Variants in GULP1 observed in about 807,000 individuals in gnomAD.
GULP1 encodes the protein GULP PTB domain containing engulfment adaptor 1.
In GULP1, 19 loss-of-function variants were observed where a neutral mutation model predicts 40.9. That is an observed-to-expected ratio of 0.46 (90% confidence interval 0.32 to 0.68). The LOEUF is 0.68. GULP1 is among the 30% of genes least tolerant of loss of function. GULP1 has a pLI of 0.03. For synonymous variants in GULP1, 119 were observed against 117.6 expected, an observed-to-expected ratio of 1.01 and a Z score of -0.08; for missense variants, 312 against 362.2, an observed-to-expected ratio of 0.86 and a Z score of 1.12.
intron 1 of GULP1, among the ~76,000 whole-genome samples, chr2:188,311,739 C>A (rs1489803204): frequency 1.4e-5 from 2 of 147,166 alleles, no homozygotes; most frequent in African/African-American, 4.9e-5. Flanking sequence ...ATTTATAAAT[C>A]TAATATTTAT....
chr2:188,441,197 C>T (rs190451647), intron 2 of GULP1, among the ~76,000 whole-genome samples: 41 of 152,256 alleles, frequency 2.7e-4, no homozygotes, highest in Non-Finnish European at 5.1e-4. Context: ...TATGTTTGAT[C>T]CTCTCCGAAT....
intron 6 of GULP1, among the ~76,000 whole-genome samples, chr2:188,538,690 T>TGAGA (rs1689594763): frequency 6.8e-6 from 1 of 146,926 alleles, no homozygotes; most frequent in African/African-American, 2.7e-5. Flanking sequence ...TGAGTGTGTG[T>TGAGA]GTGAGTGTGT....
At chr2:188,532,619 T>A (rs1417818357) in intron 6 of GULP1, among the ~76,000 whole-genome samples, 1 of 152,002 alleles carries the variant, frequency 6.6e-6, no homozygotes, top group Non-Finnish European at 1.5e-5. Flanking sequence ...TTTGTTCCAA[T>A]GAAAGATATG....
intron 2 of GULP1, among the ~76,000 whole-genome samples, chr2:188,390,556 C>A (rs184449485): frequency 1.1e-4 from 17 of 152,068 alleles, no homozygotes; most frequent in Admixed American, 1.1e-3. Flanking sequence ...TTCTCCCATT[C>A]TATGTGTTGT....
chr2:188,397,893 A>G (rs192982386), intron 2 of GULP1, among the ~76,000 whole-genome samples: 39 of 152,364 alleles, frequency 2.6e-4, no homozygotes, highest in Middle Eastern at 3.4e-3. Flanking sequence ...TTATAACCAA[A>G]TCTAGGAAAT....
intron 1 of GULP1, among the ~76,000 whole-genome samples, chr2:188,320,538 C>T (rs1284060079): frequency 2.0e-5 from 3 of 152,142 alleles, no homozygotes; most frequent in East Asian, 1.9e-4. Flanking sequence ...TTATACAGCA[C>T]TTTGACTCTT....
At chr2:188,512,301 C>T (rs2064664146) in intron 4 of GULP1, among the ~76,000 whole-genome samples, 2 of 151,816 alleles carry the variant, frequency 1.3e-5, no homozygotes, top group South Asian at 2.1e-4. Context: ...GTTATGCCAC[C>T]AATATTTATT....
At chr2:188,471,395 C>T (rs1464630781) in intron 2 of GULP1, among the ~76,000 whole-genome samples, 3 of 152,028 alleles carry the variant, frequency 2.0e-5, no homozygotes, top group Non-Finnish European at 4.4e-5. Flanking sequence ...GGACTTACTC[C>T]TGCCGTTTTA....
chr2:188,568,409 C>T (rs1212790857), intron 7 of GULP1, among the ~76,000 whole-genome samples: 1 of 152,066 alleles, frequency 6.6e-6, no homozygotes, highest in African/African-American at 2.4e-5. Flanking sequence ...ATGTGCAAGA[C>T]ATTATGAATT....
chr2:188,423,694 A>T (rs1264990286), intron 2 of GULP1, among the ~76,000 whole-genome samples: 1 of 151,828 alleles, frequency 6.6e-6, no homozygotes, highest in African/African-American at 2.4e-5. Flanking sequence ...ATTGTGAAAA[A>T]TTTTAACATG....
intron 9 of GULP1, among the ~76,000 whole-genome samples, chr2:188,577,935 T>A (rs1700485553): frequency 6.6e-6 from 1 of 152,032 alleles, no homozygotes; most frequent in Admixed American, 6.6e-5. Flanking sequence ...TTTAATGTTA[T>A]TTATAATTTT....
chr2:188,394,560 G>T (rs2050965682), intron 2 of GULP1, among the ~76,000 whole-genome samples: 4 of 151,944 alleles, frequency 2.6e-5, no homozygotes, highest in Non-Finnish European at 4.4e-5. Context: ...CCCATTTCTG[G>T]AGAGCTACTG....
chr2:188,372,191 T>C (rs1430129293), intron 1 of GULP1, among the ~76,000 whole-genome samples: 1 of 152,120 alleles, frequency 6.6e-6, no homozygotes, highest in East Asian at 1.9e-4. Context: ...ATAAGTGTTT[T>C]CATGAATGGC....
chr2:188,304,448 A>G (rs894065670), intron 1 of GULP1, among the ~76,000 whole-genome samples: 3 of 152,220 alleles, frequency 2.0e-5, no homozygotes, highest in Non-Finnish European at 2.9e-5. Context: ...TGTTTTTTAC[A>G]ATTTACAAAT....
rs561432000 is a variant in GULP1 at position 188,342,129 on chromosome 2, G to A, written c.-171-41634G>A. On this transcript the variant is annotated intron_variant, in intron 1 of 11. Coordinates refer to ENST00000409830, the MANE Select transcript of GULP1 (RefSeq NM_016315.4). ...AATATTGGGTTAGTAATGGCTAGAA[G>A]TGCTATAACAAATACCATACACTTG... Among the ~76,000 whole-genome samples the A allele has an allele frequency of 5.9e-5, 9 of 152,296 alleles. No homozygotes were observed. The East Asian group carries it at 1.7e-3, about 29-fold the overall frequency.
intron 2 of GULP1, among the ~76,000 whole-genome samples, chr2:188,400,581 A>G (rs1559196218): frequency 1.3e-5 from 2 of 152,158 alleles, no homozygotes; most frequent in Admixed American, 6.6e-5. Context: ...ACTGGAGGGA[A>G]TTAAGCAGGT....
At chr2:188,314,345 C>T (rs1559100814) in intron 1 of GULP1, among the ~76,000 whole-genome samples, 1 of 152,108 alleles carries the variant, frequency 6.6e-6, no homozygotes, top group African/African-American at 2.4e-5. Flanking sequence ...TTCTCCTGTG[C>T]AAATTTTTTC....
intron 2 of GULP1, among the ~76,000 whole-genome samples, chr2:188,419,355 T>G (rs1472695487): frequency 6.6e-6 from 1 of 152,158 alleles, no homozygotes; most frequent in East Asian, 1.9e-4. Context: ...CATACCCTGG[T>G]CAATACCTGT....
At chr2:188,470,411 A>T (rs1319509412) in intron 2 of GULP1, among the ~76,000 whole-genome samples, 1 of 151,916 alleles carries the variant, frequency 6.6e-6, no homozygotes, top group African/African-American at 2.4e-5. Context: ...GTCTCCTTTT[A>T]TGTGTCCGAT....
Sources: allele counts gnomAD v4.1 joint callset (sites outside exome capture counted in the v4.1 genomes callset), GRCh38; gene constraint gnomAD v4.1.1; transcripts MANE v1.5; gene names NCBI Gene and HGNC (gene_info 2026-07-23, HGNC 2026-07-21).